The following UCHL1 variants were observed in gnomAD, a reference collection of about 807,000 sequenced individuals.
The protein encoded by UCHL1 is ubiquitin carboxyl-terminal hydrolase isozyme L1.
Under a neutral mutation model 33.3 loss-of-function variants are expected in UCHL1, and 5 were observed. The ratio of observed to expected loss-of-function variants is 0.15; its 90% confidence interval spans 0.08 to 0.32. The LOEUF is 0.32. Among genes scored for constraint, UCHL1 ranks in the 10% least tolerant of loss-of-function variants. The probability of loss-of-function intolerance (pLI) is 1.00; values close to 1 mark genes in which losing one functional copy is unlikely to be tolerated. For missense variants in UCHL1, 236 were observed against 280.0 expected (o/e 0.84, Z 1.12); for synonymous variants, 132 against 108.8 (o/e 1.21, Z -1.33).
intron 8 of UCHL1, 23 bp from the exon 9 acceptor site, chr4:41,267,964 T>G: frequency 1.2e-6 from 2 of 1,607,924 alleles, no homozygotes; most frequent in South Asian, 1.1e-5. Flanking sequence ...TGTTTGGATT[T>G]TAATGACATT....
At chr4:41,260,533 G>A (rs1176810261) in intron 3 of UCHL1, 114 bp from the exon 4 acceptor site, 1 of 1,295,478 alleles carries the variant, frequency 7.7e-7, no homozygotes, top group African/African-American at 1.5e-5. Context: ...CTAGAACCAG[G>A]GGTTCTGGTC....
At chr4:41,259,800 G>C (rs1388373608) in intron 3 of UCHL1, among the ~76,000 whole-genome samples, 7 of 152,176 alleles carry the variant, frequency 4.6e-5, no homozygotes, top group African/African-American at 1.7e-4. Flanking sequence ...TAGTAGCTGG[G>C]ATTATAGGTG....
intron 8 of UCHL1, 56 bp from the exon 9 acceptor site, chr4:41,267,931 T>G: frequency 6.7e-7 from 1 of 1,490,176 alleles, no homozygotes; most frequent in Non-Finnish European, 9.3e-7. Flanking sequence ...TTTCCCTATG[T>G]GACTTTCATT....
At chr4:41,264,411 G>C (rs1206779073) in intron 8 of UCHL1, 1 of 553,718 alleles carries the variant, frequency 1.8e-6, no homozygotes, top group Non-Finnish European at 3.2e-6. Flanking sequence ...GTTAGAATTA[G>C]CCTGAAAGCT....
At chr4:41,260,877 C>T in intron 4 of UCHL1, 80 bp downstream of exon 4, 1 of 1,595,182 alleles carries the variant, frequency 6.3e-7, no homozygotes, top group Non-Finnish European at 8.6e-7. Context: ...TTCCCGAGGT[C>T]AGAGATGCTG....
At chr4:41,263,376 A>G in intron 7 of UCHL1, 85 bp downstream of exon 7, 1 of 1,283,348 alleles carries the variant, frequency 7.8e-7, no homozygotes, top group Admixed American at 1.7e-5. Flanking sequence ...GTGTGACTTT[A>G]TGGCACTTGG....
At chr4:41,257,294 G>C in intron 2 of UCHL1, 168 bp downstream of exon 2, 1 of 1,183,878 alleles carries the variant, frequency 8.4e-7, no homozygotes, top group Non-Finnish European at 1.2e-6. Flanking sequence ...GCATTTAGCG[G>C]GTGACTCTAC....
At chr4:41,259,465 G>A (rs1781036293) in intron 3 of UCHL1, among the ~76,000 whole-genome samples, 1 of 152,174 alleles carries the variant, frequency 6.6e-6, no homozygotes. Flanking sequence ...TGAATACTAA[G>A]TTGAGGATCC....
chr4:41,264,399 C>G (rs926195477), intron 8 of UCHL1: 1 of 575,356 alleles, frequency 1.7e-6, no homozygotes. Context: ...CTTTAGTCCA[C>G]AGTTAGAATT....
intron 7 of UCHL1, 34 bp from the exon 8 acceptor site, chr4:41,264,069 G>A: frequency 1.2e-6 from 2 of 1,614,190 alleles, no homozygotes; most frequent in Non-Finnish European, 1.7e-6. Flanking sequence ...AAAACATGCA[G>A]AGAAAATTGA....
chr4:41,260,200 T>C (rs1580924531), intron 3 of UCHL1, among the ~76,000 whole-genome samples: 1 of 152,250 alleles, frequency 6.6e-6, no homozygotes, highest in Admixed American at 6.5e-5. Flanking sequence ...AGTAGAACTT[T>C]AAAGAATAAT....
intron 4 of UCHL1, 152 bp from the exon 5 acceptor site, chr4:41,261,563 G>A (rs765923665): frequency 2.6e-6 from 2 of 775,902 alleles, no homozygotes; most frequent in Non-Finnish European, 2.1e-6. Context: ...AGAAAAAGAG[G>A]CTAGGGGAAA....
chr4:41,258,585 T>A (rs78693231), intron 3 of UCHL1, among the ~76,000 whole-genome samples: 1 of 152,168 alleles, frequency 6.6e-6, no homozygotes, highest in Admixed American at 6.5e-5. Context: ...CATTGTCTTA[T>A]CTCCTATTGC....
chr4:41,257,631 C>A lies in UCHL1; in HGVS notation c.68C>A (p.Ala23Asp). 6.4e-7 allele frequency: 1 copy of A among 1,556,430 alleles called. No individual in the cohort carries two copies. The highest frequency in any genetic ancestry group is 8.6e-7 in the Non-Finnish European group (1 of 1,156,706). The stretch of plus-strand genomic sequence containing the variant: ...CAGGTGCTGTCCCGGCTGGGGGTCG[C>A]CGGCCAGTGGCGCTTCGTGGACGTG... ...LNKVLSRLGV[A>D]GQWRFVDVLG... is the part of the protein sequence containing the mutation. The change falls in exon 3 of 9, where the codon GCC becomes GAC. Residue 23 changes from alanine (A) to aspartate (D), a missense_variant. Transcript: ENST00000284440.
At chr4:41,264,282 CT>C in intron 8 of UCHL1, 121 bp downstream of exon 8, 1 of 1,256,430 alleles carries the variant, frequency 8.0e-7, no homozygotes, top group Non-Finnish European at 1.2e-6. Flanking sequence ...TAATAGCAGT[CT>C]TTAGGGCTGC....
intron 4 of UCHL1, 87 bp from the exon 5 acceptor site, chr4:41,261,628 C>A: frequency 7.0e-7 from 1 of 1,422,718 alleles, no homozygotes. Context: ...GGTTGCTCAG[C>A]ATGTTCAGCA....
chr4:41,261,650 C>G, intron 4 of UCHL1, 65 bp from the exon 5 acceptor site: 1 of 1,555,270 alleles, frequency 6.4e-7, no homozygotes, highest in Non-Finnish European at 8.8e-7. Context: ...AGGCTTAAGT[C>G]AACAATAAAT....
In UCHL1 at chr4:41,266,602, T is replaced by G. The variant is rs141710697; in HGVS notation, c.586-1385T>G. On this transcript the variant is annotated intron_variant, in intron 8 of 8. Coordinates refer to ENST00000284440, the MANE Select transcript of UCHL1 (RefSeq NM_004181.5). ...AAAAAACTTGGTAGAGGATAAAATG[T>G]TGATGTCAATCCAGATACTCTTTGG... is the stretch of plus-strand genomic sequence containing the variant. Among the ~76,000 whole-genome samples the G allele has an allele frequency of 2.0e-5, 3 of 152,290 alleles. No homozygotes were observed. In the East Asian group the frequency reaches 5.8e-4, roughly 29 times the overall value.
intron 6 of UCHL1, among the ~76,000 whole-genome samples, chr4:41,262,683 A>G (rs1781091543): frequency 6.6e-6 from 1 of 151,378 alleles, no homozygotes; most frequent in African/African-American, 2.4e-5. Flanking sequence ...GCTGGAATGC[A>G]GTGGTGTGAT....
Sources: gnomAD v4.1 joint callset for allele counts (sites outside exome capture counted in the v4.1 genomes callset) on GRCh38, gnomAD v4.1.1 for gene constraint, MANE v1.5 for transcripts, NCBI Gene and HGNC (gene_info 2026-07-23, HGNC 2026-07-21) for gene names.